KLF8: variants seen among roughly 807,000 people sequenced by gnomAD.
The protein encoded by KLF8 is KLF transcription factor 8.
Under a neutral mutation model 18.2 loss-of-function variants are expected in KLF8, and 10 were observed. The observed-to-expected ratio is 0.55, with a 90% CI of 0.34 to 0.93. KLF8 has a LOEUF of 0.93. KLF8 is among the 40% of genes least tolerant of loss of function. The probability of loss-of-function intolerance (pLI) is 0.02; values close to 1 mark genes in which losing one functional copy is unlikely to be tolerated. For missense variants in KLF8, 264 were observed against 277.9 expected, an observed-to-expected ratio of 0.95 and a Z score of 0.36; for synonymous variants, 109 against 97.3, an observed-to-expected ratio of 1.12 and a Z score of -0.71.
In KLF8 at chrX:56,286,137, C is replaced by T. The variant is rs1325131646; in HGVS notation, c.*1643C>T. 9.0e-6 allele frequency: 1 copy of T among 110,578 alleles called. No individual in the cohort carries two copies. The highest frequency in any genetic ancestry group is 1.9e-5 in the Non-Finnish European group (1 of 52,909). The allele number at this position is 110,578 out of a possible 1,213,427, so 9.1% of individuals were successfully genotyped here. ...CTTATACACCTGCACGCTTATTCTC[C>T]TGGGGATCACATAATTTTATTTATT... On this transcript the variant is annotated 3_prime_UTR_variant, in exon 6 of 6. Coordinates refer to ENST00000468660, the MANE Select transcript of KLF8 (RefSeq NM_007250.5).
rs1431439217 is a variant in KLF8 at position 56,288,266 on chromosome X, C to T, written c.*3772C>T. Among the ~76,000 whole-genome samples the T allele has an allele frequency of 1.8e-5, 2 of 110,647 alleles. No individual in the cohort carries two copies. Among genetic ancestry groups the T allele is most frequent in the Non-Finnish European group, 3.8e-5 (2 of 52,887 alleles). On this transcript the variant is annotated 3_prime_UTR_variant, in exon 6 of 6. Coordinates refer to ENST00000468660, the MANE Select transcript of KLF8 (RefSeq NM_007250.5). The stretch of plus-strand genomic sequence containing the variant: ...AAAAAAAAAAAAATTGTTTCAGCAT[C>T]TTGTTCAGGATTCCACATTACATCT...
chrX:56,105,471 G>T, the KLF8 span, among the ~76,000 whole-genome samples: 1 of 110,224 alleles, frequency 9.1e-6, no homozygotes, highest in Non-Finnish European at 1.9e-5. Flanking sequence ...TTATGTAATG[G>T]CCTTCTTTCA....
At chrX:55,956,174 A>G in the KLF8 span, among the ~76,000 whole-genome samples, 3 of 100,539 alleles carry the variant, frequency 3.0e-5, no homozygotes, top group African/African-American at 1.2e-4. Flanking sequence ...TCTATCATCT[A>G]TCTATCTATC....
the KLF8 span, among the ~76,000 whole-genome samples, chrX:56,121,046 C>T: frequency 2.7e-5 from 3 of 109,701 alleles, no homozygotes; most frequent in African/African-American, 6.6e-5. Context: ...ATTAGCCGGA[C>T]GTGGTGGCGG....
chrX:56,267,181 A>G (rs1409972596), intron 3 of KLF8: 2 of 752,353 alleles, frequency 2.7e-6, no homozygotes, highest in Non-Finnish European at 1.6e-6. Flanking sequence ...TAAATTTTAA[A>G]TGTGCTCAAT....
chrX:56,161,708 G>T, the KLF8 span, among the ~76,000 whole-genome samples: 6 of 111,250 alleles, frequency 5.4e-5, no homozygotes, highest in African/African-American at 2.0e-4. Flanking sequence ...TCACGCCATG[G>T]GTTTGAACTT....
At chrX:56,032,442 G>T in the KLF8 span, among the ~76,000 whole-genome samples, 17 of 111,717 alleles carry the variant, frequency 1.5e-4, no homozygotes, top group Non-Finnish European at 3.0e-4. Context: ...GATAAATAAT[G>T]TTTCTGTCAC....
chrX:56,104,553 G>T, the KLF8 span, among the ~76,000 whole-genome samples: 1 of 111,439 alleles, frequency 9.0e-6, no homozygotes, highest in Admixed American at 9.5e-5. Flanking sequence ...TGTGGGATCG[G>T]TGGTGATATT....
chrX:56,188,719 A>G, the KLF8 span, among the ~76,000 whole-genome samples: 7 of 111,899 alleles, frequency 6.3e-5, no homozygotes, highest in Non-Finnish European at 1.1e-4. Flanking sequence ...AATGCCACAT[A>G]TCTACAACTA....
chrX:55,969,624 A>T, the KLF8 span, among the ~76,000 whole-genome samples: 3 of 111,933 alleles, frequency 2.7e-5, no homozygotes, highest in Non-Finnish European at 5.7e-5. Context: ...AAATGAAGAA[A>T]CAACACAAAA....
chrX:55,934,711 A>C, the KLF8 span, among the ~76,000 whole-genome samples: 1 of 112,286 alleles, frequency 8.9e-6, no homozygotes, highest in Non-Finnish European at 1.9e-5. Flanking sequence ...AGAAATCACA[A>C]TGTTATTCGT....
chrX:56,141,638 T>A, the KLF8 span, among the ~76,000 whole-genome samples: 2 of 111,629 alleles, frequency 1.8e-5, no homozygotes, highest in Non-Finnish European at 3.8e-5. Context: ...ATTTATGGTA[T>A]CTTTTTATGT....
At chrX:55,933,343 C>T in the KLF8 span, among the ~76,000 whole-genome samples, 2 of 111,904 alleles carry the variant, frequency 1.8e-5, no homozygotes, top group African/African-American at 6.5e-5. Context: ...ACAATTTCTG[C>T]TTTAAGGTGC....
At chrX:55,957,027 G>C in the KLF8 span, among the ~76,000 whole-genome samples, 3 of 110,117 alleles carry the variant, frequency 2.7e-5, no homozygotes, top group East Asian at 2.8e-4. Context: ...TTATAATTTT[G>C]GGTCGTTAGG....
the KLF8 span, among the ~76,000 whole-genome samples, chrX:55,923,644 G>T: frequency 3.6e-5 from 4 of 110,714 alleles, no homozygotes; most frequent in African/African-American, 1.3e-4. Context: ...GTTACCGAGG[G>T]TTAATACTTC....
At chrX:56,101,156 G>T in the KLF8 span, among the ~76,000 whole-genome samples, 1 of 111,378 alleles carries the variant, frequency 9.0e-6, no homozygotes, top group Admixed American at 9.6e-5. Context: ...AGTGTCTGTT[G>T]TTCCCATCTT....
At chrX:56,016,218 A>G in the KLF8 span, among the ~76,000 whole-genome samples, 13 of 112,052 alleles carry the variant, frequency 1.2e-4, no homozygotes, top group Non-Finnish European at 2.1e-4. Flanking sequence ...GCTTCTACAC[A>G]GAAGTATTGT....
the KLF8 span, among the ~76,000 whole-genome samples, chrX:56,060,612 A>T: frequency 8.9e-6 from 1 of 111,765 alleles, no homozygotes. Context: ...GGATTTTTAC[A>T]TCGATGTTCA....
chrX:56,070,689 G>A, the KLF8 span, among the ~76,000 whole-genome samples: 1 of 108,046 alleles, frequency 9.3e-6, no homozygotes, highest in Admixed American at 9.9e-5. Flanking sequence ...GAAACTTTGA[G>A]GACAGGTCAA....
Sources: gnomAD v4.1 joint callset for allele counts (sites outside exome capture counted in the v4.1 genomes callset) on GRCh38, gnomAD v4.1.1 for gene constraint, MANE v1.5 for transcripts, NCBI Gene and HGNC (gene_info 2026-07-23, HGNC 2026-07-21) for gene names.